Variants in SERTAD2 observed in about 807,000 individuals in gnomAD.
The protein encoded by SERTAD2 is SERTA domain-containing protein 2.
In SERTAD2, 2 loss-of-function variants were observed where a neutral mutation model predicts 15.4. That is an observed-to-expected ratio of 0.13 (90% confidence interval 0.05 to 0.41). The LOEUF is 0.41. Ranked by LOEUF, SERTAD2 falls within the 10% of genes least tolerant of loss-of-function variation. The pLI is 0.99. For synonymous variants in SERTAD2, 180 were observed against 178.0 expected, an observed-to-expected ratio of 1.01 and a Z score of -0.09; for missense variants, 333 against 409.7, an observed-to-expected ratio of 0.81 and a Z score of 1.62.
At chr2:64,638,487 A>G (rs963060298) in intron 1 of SERTAD2, among the ~76,000 whole-genome samples, 1 of 152,252 alleles carries the variant, frequency 6.6e-6, no homozygotes, top group East Asian at 1.9e-4. Context: ...AAAGCAGGCC[A>G]TGCTGCCCTC....
At chr2:64,642,136 T>A (rs568705973) in intron 1 of SERTAD2, among the ~76,000 whole-genome samples, 1 of 152,248 alleles carries the variant, frequency 6.6e-6, no homozygotes, top group South Asian at 2.1e-4. Flanking sequence ...CAAAAAGGAA[T>A]GAACAGCATT....
In SERTAD2 at chr2:64,633,766, G is replaced by A. The variant is rs1674588820; in HGVS notation, c.*2161C>T. 1 of 152,202 alleles carries A rather than the reference G, an allele frequency of 6.6e-6. No homozygotes were observed. Among genetic ancestry groups the A allele is most frequent in the Non-Finnish European group, 1.5e-5 (1 of 68,032 alleles). The allele number at this position is 152,202 out of a possible 1,614,324, so 9.4% of individuals were successfully genotyped here. On this transcript the variant is annotated 3_prime_UTR_variant, in exon 2 of 2. Coordinates refer to ENST00000313349, the MANE Select transcript of SERTAD2 (RefSeq NM_014755.3). ...CTGTAGCAGTACGAGGTGTCTGCGT[G>A]GAGGTTGCTTGTAGGAGAACAAGTG...
chr2:64,647,143 T>G (rs954804347), intron 1 of SERTAD2, among the ~76,000 whole-genome samples: 2 of 152,230 alleles, frequency 1.3e-5, no homozygotes, highest in Admixed American at 1.3e-4. Flanking sequence ...GATCATTATG[T>G]GTAACTACTT....
At chr2:64,651,019 A>C (rs139129544) in intron 1 of SERTAD2, among the ~76,000 whole-genome samples, 1 of 152,346 alleles carries the variant, frequency 6.6e-6, no homozygotes, top group Non-Finnish European at 1.5e-5. Flanking sequence ...ATATGCCATG[A>C]CAGTGAATAC....
chr2:64,644,828 C>G (rs1674859906), intron 1 of SERTAD2: 1 of 152,296 alleles, frequency 6.6e-6, no homozygotes, highest in African/African-American at 2.4e-5. Flanking sequence ...CTGTCCCCTC[C>G]AGCACAGTGC....
intron 1 of SERTAD2, among the ~76,000 whole-genome samples, chr2:64,651,403 C>T (rs554129176): frequency 2.0e-4 from 30 of 152,258 alleles, no homozygotes; most frequent in Middle Eastern, 3.4e-3. Context: ...TGCCTTCATA[C>T]GTTTTGTAAT....
chr2:64,643,283 G>A (rs1218856420), intron 1 of SERTAD2, among the ~76,000 whole-genome samples: 1 of 152,252 alleles, frequency 6.6e-6, no homozygotes, highest in Non-Finnish European at 1.5e-5. Flanking sequence ...CAGGAGAGCA[G>A]CAGGCTTCAC....
Position 64,635,779 on chromosome 2 carries a change from C to T in SERTAD2, c.*148G>A. On this transcript the variant is annotated 3_prime_UTR_variant, in exon 2 of 2. Coordinates refer to ENST00000313349, the MANE Select transcript of SERTAD2 (RefSeq NM_014755.3). ...CTTGGATGAAGGCACTCCAACTCTG[C>T]TCAAAGCAAAAACTAGTGTGATCCT... 1.5e-6 allele frequency: 1 copy of T among 653,740 alleles called. No individual in the cohort carries two copies. The highest frequency in any genetic ancestry group is 2.7e-6 in the Non-Finnish European group (1 of 376,220). 40.5% of individuals were successfully genotyped at this position (653,740 alleles called of 1,614,324 possible).
intron 1 of SERTAD2, among the ~76,000 whole-genome samples, chr2:64,648,158 G>A (rs1439522710): frequency 1.3e-5 from 2 of 152,068 alleles, no homozygotes; most frequent in East Asian, 3.8e-4. Flanking sequence ...TTGAGGTGCA[G>A]GATAATAGAA....
intron 1 of SERTAD2, 138 bp from the exon 2 acceptor site, chr2:64,637,013 T>A: frequency 3.3e-6 from 2 of 607,808 alleles, no homozygotes; most frequent in Non-Finnish European, 5.7e-6. Flanking sequence ...CGTGGATTAA[T>A]TAGGGGTGGG....
chr2:64,638,756 T>G (rs1253471421), intron 1 of SERTAD2, among the ~76,000 whole-genome samples: 1 of 152,220 alleles, frequency 6.6e-6, no homozygotes, highest in Non-Finnish European at 1.5e-5. Context: ...TTCAGGGCAA[T>G]AAAGGTTATG....
intron 1 of SERTAD2, among the ~76,000 whole-genome samples, chr2:64,648,026 AAC>A (rs1435660677): frequency 6.6e-6 from 1 of 152,252 alleles, no homozygotes; most frequent in Non-Finnish European, 1.5e-5. Context: ...CAAAGAGGAA[AAC>A]CTGAGAAATG....
intron 1 of SERTAD2, among the ~76,000 whole-genome samples, chr2:64,651,515 G>A (rs1269469335): frequency 6.6e-6 from 1 of 152,178 alleles, no homozygotes; most frequent in African/African-American, 2.4e-5. Context: ...TAAGCTATCA[G>A]TCGCCACACA....
In SERTAD2 at chr2:64,636,070, C is replaced by T. The variant is rs182499702; in HGVS notation, c.802G>A (p.Ala268Thr). The T allele has an allele frequency of 2.8e-5, 45 of 1,614,158 alleles. No homozygotes were observed. The East Asian group carries it at 8.2e-4, about 30-fold the overall frequency. ...FDPCTSSSGT[A>T]SKMAPVSADD... ...GCAGACACAGGGGCCATTTTTGAGG[C>T]TGTCCCTGATGAGGAAGTGCAGGGG... Residue 268 changes from alanine to threonine, a missense_variant, in exon 2 of 2, where the codon GCC becomes ACC. Ala to Thr is a moderately conservative substitution (Grantham distance 58). Transcript: ENST00000313349.
Position 64,632,810 on chromosome 2 carries a change from G to A in SERTAD2, c.*3117C>T, listed in dbSNP as rs553527637. On this transcript the variant is annotated 3_prime_UTR_variant, in exon 2 of 2. Transcript: ENST00000313349. Reference sequence around the variant, plus strand: ...CTACCATACATTCTGCACATGTTACGATCCAGATGTTAGCGCTCCACAGTA... The same window carrying A: ...CTACCATACATTCTGCACATGTTACAATCCAGATGTTAGCGCTCCACAGTA... 16 of 152,624 alleles carry A rather than the reference G, an allele frequency of 1.0e-4. No individual in the cohort carries two copies. Among genetic ancestry groups the A allele is most frequent in the Admixed American group, 2.6e-4 (4 of 15,284 alleles). The allele number at this position is 152,624 out of a possible 1,614,324, so 9.5% of individuals were successfully genotyped here. A position where few individuals can be genotyped will look rare whatever the true frequency, so the allele number is the denominator to read the frequency against.
chr2:64,643,998 A>G (rs1020272568), intron 1 of SERTAD2, among the ~76,000 whole-genome samples: 1 of 152,226 alleles, frequency 6.6e-6, no homozygotes, highest in Non-Finnish European at 1.5e-5. Context: ...TGCTAACGCT[A>G]AAACCAGAAA....
Position 64,634,904 on chromosome 2 carries a change from C to T in SERTAD2, c.*1023G>A, listed in dbSNP as rs1674623253. ...GGCATAAATACACTCTTAAGAAAGACAGTAGCTTTACCCTCAAAAGAGGGA... is the reference window on the plus strand; with the variant it reads ...GGCATAAATACACTCTTAAGAAAGATAGTAGCTTTACCCTCAAAAGAGGGA... On this transcript the variant is annotated 3_prime_UTR_variant, in exon 2 of 2. Transcript: ENST00000313349. The T allele has an allele frequency of 6.6e-6, 1 of 152,640 alleles. No individual in the cohort carries two copies. The highest frequency in any genetic ancestry group is 2.1e-4 in the South Asian group (1 of 4,834). The allele number at this position is 152,640 out of a possible 1,614,324, so 9.5% of individuals were successfully genotyped here. A position where few individuals can be genotyped will look rare whatever the true frequency, so the allele number is the denominator to read the frequency against.
intron 1 of SERTAD2, among the ~76,000 whole-genome samples, chr2:64,651,138 G>C (rs191752791): frequency 1.3e-5 from 2 of 152,296 alleles, no homozygotes; most frequent in Admixed American, 6.5e-5. Context: ...TATTGACAAA[G>C]TGGTCTTGAT....
At chr2:64,644,036 C>T (rs936823368) in intron 1 of SERTAD2, among the ~76,000 whole-genome samples, 5 of 152,204 alleles carry the variant, frequency 3.3e-5, no homozygotes, top group African/African-American at 1.2e-4. Flanking sequence ...AACGCCAACA[C>T]TCAAAGTAGT....
Sources: gnomAD v4.1 joint callset for allele counts (sites outside exome capture counted in the v4.1 genomes callset) on GRCh38, gnomAD v4.1.1 for gene constraint, MANE v1.5 for transcripts, NCBI Gene and HGNC (gene_info 2026-07-23, HGNC 2026-07-21) for gene names.